The following DAB1 variants were observed in gnomAD, a reference collection of about 807,000 sequenced individuals.
DAB1 encodes the protein disabled homolog 1.
In DAB1, 15 loss-of-function variants were observed where a neutral mutation model predicts 64.6. That is an observed-to-expected ratio of 0.23 (90% CI 0.16 to 0.36). The LOEUF is 0.36. Ranked by LOEUF, DAB1 falls within the 10% of genes least tolerant of loss-of-function variation. DAB1 has a pLI of 1.00. For synonymous variants in DAB1, 235 were observed against 251.9 expected (o/e 0.93, Z 0.64); for missense variants, 596 against 706.7 (o/e 0.84, Z 1.78).
At chr1:57,608,137 A>C (rs1453346067) in intron 7 of DAB1, among the ~76,000 whole-genome samples, 2 of 152,248 alleles carry the variant, frequency 1.3e-5, no homozygotes, top group African/African-American at 4.8e-5. Flanking sequence ...ATGACTGTAC[A>C]TATGTGTATA....
chr1:58,252,940 G>C (rs540932103), intron 4 of DAB1, among the ~76,000 whole-genome samples: 3 of 152,254 alleles, frequency 2.0e-5, no homozygotes, highest in South Asian at 2.1e-4. Flanking sequence ...TCTTTTCCGA[G>C]CTAGTTTCTC....
At chr1:57,456,232 C>T (rs74074723) in intron 7 of DAB1, among the ~76,000 whole-genome samples, 6,381 of 152,188 alleles carry the variant, frequency 0.042, 207 homozygotes, top group East Asian at 0.17. Context: ...CAAAGCTAAA[C>T]ATTCAGTTTT....
At chr1:57,192,429 T>G (rs976783117) in intron 2 of DAB1, among the ~76,000 whole-genome samples, 18 of 151,986 alleles carry the variant, frequency 1.2e-4, no homozygotes, top group Non-Finnish European at 2.4e-4. Flanking sequence ...GGTAAATGAC[T>G]CAACCTTCCT....
At chr1:57,571,086 G>C (rs1402651782) in intron 7 of DAB1, among the ~76,000 whole-genome samples, 1 of 152,166 alleles carries the variant, frequency 6.6e-6, no homozygotes, top group Admixed American at 6.5e-5. Flanking sequence ...TCATTTATCT[G>C]TTCTAAGAGC....
chr1:58,436,356 T>C (rs923369188), intron 3 of DAB1, among the ~76,000 whole-genome samples: 1 of 152,182 alleles, frequency 6.6e-6, no homozygotes, highest in Non-Finnish European at 1.5e-5. Context: ...TAAGGAAATA[T>C]CCCCTATCCT....
At chr1:57,248,661 T>C (rs1379494558) in intron 2 of DAB1, among the ~76,000 whole-genome samples, 2 of 152,228 alleles carry the variant, frequency 1.3e-5, no homozygotes, top group Non-Finnish European at 2.9e-5. Context: ...TCTCAGCACA[T>C]ATTGATTTTG....
chr1:57,438,333 T>A (rs931802656), intron 7 of DAB1, among the ~76,000 whole-genome samples: 1 of 152,158 alleles, frequency 6.6e-6, no homozygotes, highest in African/African-American at 2.4e-5. Flanking sequence ...AGGGATCTCA[T>A]TAAGTGTACA....
intron 4 of DAB1, among the ~76,000 whole-genome samples, chr1:57,076,365 T>G (rs958546521): frequency 2.0e-5 from 3 of 152,192 alleles, no homozygotes; most frequent in Admixed American, 6.5e-5. Flanking sequence ...ATTAAACTAC[T>G]GCCAAAATCA....
intron 5 of DAB1, chr1:58,074,558 A>ATATACATATATATGTGTGTG (rs1170950120): frequency 7.1e-4 from 41 of 57,588 alleles, no homozygotes; most frequent in South Asian, 9.9e-4. Context: ...ACATATATAT[A>ATATACATATATATGTGTGTG]TGTGTGTATA....
chr1:58,070,742 C>T (rs139177182), intron 5 of DAB1, among the ~76,000 whole-genome samples: 1 of 152,192 alleles, frequency 6.6e-6, no homozygotes, highest in East Asian at 1.9e-4. Context: ...CTCTAGAAGG[C>T]CAATGGAGGC....
chr1:57,997,236 A>G (rs1646439479), intron 5 of DAB1, among the ~76,000 whole-genome samples: 1 of 152,134 alleles, frequency 6.6e-6, no homozygotes, highest in South Asian at 2.1e-4. Flanking sequence ...CTGGTAAGGG[A>G]AGAAAGCCTC....
In DAB1 at chr1:58,196,658, A is replaced by C. The variant is rs576316164; in HGVS notation, n.310-46070T>G. Reference sequence around the variant, plus strand: ...AAATCACAGCAGAAGGTGAAGGAGAAGCAAGTGCCTTATTCATTAGGCAGC... The same window carrying C: ...AAATCACAGCAGAAGGTGAAGGAGACGCAAGTGCCTTATTCATTAGGCAGC... On this transcript the variant is annotated intron_variant and non_coding_transcript_variant, in intron 4 of 20. Transcript: ENST00000485760. Among the ~76,000 whole-genome samples, 91 of 152,314 alleles carry C rather than the reference A, an allele frequency of 6.0e-4. 3 individuals are homozygous for C. The Middle Eastern group carries it at 0.017, about 28-fold the overall frequency.
chr1:57,227,518 TTTG>T (rs1247164387), intron 2 of DAB1, among the ~76,000 whole-genome samples: 2 of 132,964 alleles, frequency 1.5e-5, no homozygotes, highest in African/African-American at 6.3e-5. Flanking sequence ...TTTTTTTTCT[TTTG>T]TGTGTGTGTG....
intron 4 of DAB1, among the ~76,000 whole-genome samples, chr1:58,187,436 C>A (rs1333532987): frequency 6.6e-6 from 1 of 151,354 alleles, no homozygotes; most frequent in East Asian, 1.9e-4. Flanking sequence ...CATCATGCTA[C>A]TGCACTCCAG....
intron 6 of DAB1, 101 bp downstream of exon 6, chr1:57,071,406 CTTTCATCTTCGTTTA>C: frequency 7.9e-7 from 1 of 1,265,816 alleles, no homozygotes; most frequent in South Asian, 1.5e-5. Context: ...ACACAGGAAT[CTTTCATCTTCGTTTA>C]TTTCTACTTG....
intron 5 of DAB1, among the ~76,000 whole-genome samples, chr1:57,922,845 C>CAAAAAAAAAAAA (rs367897659): frequency 9.3e-4 from 42 of 45,010 alleles, no homozygotes; most frequent in Non-Finnish European, 1.2e-3. Context: ...GACTCCATCT[C>CAAAAAAAAAAAA]AAAAAAAAAA....
intron 5 of DAB1, among the ~76,000 whole-genome samples, chr1:58,113,079 A>T (rs1402334118): frequency 6.6e-6 from 1 of 152,196 alleles, no homozygotes; most frequent in Non-Finnish European, 1.5e-5. Context: ...GGAGAAACAG[A>T]CAAACATGCA....
At chr1:58,350,131 C>G (rs763869988) in intron 3 of DAB1, among the ~76,000 whole-genome samples, 3 of 152,156 alleles carry the variant, frequency 2.0e-5, no homozygotes, top group Non-Finnish European at 4.4e-5. Flanking sequence ...TTTTTCCTGA[C>G]TTTTTAATGA....
chr1:57,391,647 C>T (rs997409858), intron 1 of DAB1, among the ~76,000 whole-genome samples: 5 of 152,052 alleles, frequency 3.3e-5, no homozygotes, highest in South Asian at 2.1e-4. Context: ...ATACAGCTCA[C>T]GACCCCACAA....
Sources: gnomAD v4.1 joint callset for allele counts (sites outside exome capture counted in the v4.1 genomes callset) on GRCh38, gnomAD v4.1.1 for gene constraint, MANE v1.5 for transcripts, NCBI Gene and HGNC (gene_info 2026-07-23, HGNC 2026-07-21) for gene names.